Variants in CTNNA3 observed in about 807,000 individuals in gnomAD.
The protein encoded by CTNNA3 is catenin alpha 3.
Under a neutral mutation model 95.7 loss-of-function variants are expected in CTNNA3, and 76 were observed. That is an observed-to-expected ratio of 0.79 (90% CI 0.66 to 0.96). The LOEUF (loss-of-function observed/expected upper bound fraction) is 0.96. Ranked by LOEUF, CTNNA3 falls within the 40% of genes least tolerant of loss-of-function variation. CTNNA3 has a pLI of 0.00. For missense variants in CTNNA3, 1,191 were observed against 1,089.8 expected, an observed-to-expected ratio of 1.09 and a Z score of -1.31; for synonymous variants, 431 against 374.4, an observed-to-expected ratio of 1.15 and a Z score of -1.74.
chr10:67,315,138 T>C (rs1840987282), intron 5 of CTNNA3, among the ~76,000 whole-genome samples: 1 of 152,226 alleles, frequency 6.6e-6, no homozygotes, highest in African/African-American at 2.4e-5. Context: ...TCCAATTCCA[T>C]GTCATAATTG....
intron 7 of CTNNA3, among the ~76,000 whole-genome samples, chr10:66,788,538 G>C (rs1840839072): frequency 6.6e-6 from 1 of 152,180 alleles, no homozygotes; most frequent in Non-Finnish European, 1.5e-5. Flanking sequence ...ATTTCTTGCA[G>C]TGTGGCTCAG....
chr10:66,765,125 C>A (rs1839788943), intron 9 of CTNNA3, among the ~76,000 whole-genome samples: 2 of 152,144 alleles, frequency 1.3e-5, no homozygotes, highest in Admixed American at 1.3e-4. Flanking sequence ...TTCATCCACT[C>A]CTTTCATCTT....
intron 1 of CTNNA3, among the ~76,000 whole-genome samples, chr10:67,689,023 A>C (rs1384000562): frequency 6.6e-6 from 1 of 152,120 alleles, no homozygotes; most frequent in Non-Finnish European, 1.5e-5. Context: ...TAGACCACAA[A>C]GAGGACCAAG....
intron 7 of CTNNA3, among the ~76,000 whole-genome samples, chr10:66,954,711 C>T (rs1052222782): frequency 3.3e-5 from 5 of 152,150 alleles, no homozygotes; most frequent in Non-Finnish European, 5.9e-5. Flanking sequence ...TAAGTGATTT[C>T]CTGAGAAACT....
chr10:66,331,342 G>GCTTGC (rs201302254), intron 12 of CTNNA3, among the ~76,000 whole-genome samples: 1 of 80,346 alleles, frequency 1.2e-5, no homozygotes, highest in African/African-American at 4.7e-5. Flanking sequence ...CCCATTGTTT[G>GCTTGC]TTTTTTTTTT....
At chr10:66,914,351 C>T (rs1020972899) in intron 7 of CTNNA3, among the ~76,000 whole-genome samples, 19 of 152,004 alleles carry the variant, frequency 1.2e-4, no homozygotes, top group African/African-American at 2.7e-4. Flanking sequence ...AGGATGGTCT[C>T]GATCTCCTGA....
Position 67,564,707 on chromosome 10 carries a change from A to G in CTNNA3, c.293-25038T>C, listed in dbSNP as rs1487884178. On this transcript the variant is annotated intron_variant, in intron 3 of 17. Transcript: ENST00000433211. The stretch of plus-strand genomic sequence containing the variant: ...TATATATATATATATATATATATAT[A>G]TATATATATATCACTATGATCAGGT... Among the ~76,000 whole-genome samples, 27 of 111,758 alleles carry G rather than the reference A, an allele frequency of 2.4e-4. 1 individual carries two copies. Among genetic ancestry groups the G allele is most frequent in the Non-Finnish European group, 3.5e-4 (20 of 56,646 alleles). The allele number at this position is 111,758 out of a possible 152,430, so 73.3% of individuals were successfully genotyped here. A position where few individuals can be genotyped will look rare whatever the true frequency, so the allele number is the denominator to read the frequency against.
intron 14 of CTNNA3, among the ~76,000 whole-genome samples, chr10:66,094,619 T>C (rs1405672449): frequency 4.6e-5 from 7 of 152,140 alleles, no homozygotes; most frequent in Admixed American, 4.6e-4. Flanking sequence ...TCTCCTGTTA[T>C]AAAGAAAACA....
At chr10:66,283,547 A>G (rs1234933558) in intron 12 of CTNNA3, among the ~76,000 whole-genome samples, 1 of 151,880 alleles carries the variant, frequency 6.6e-6, no homozygotes, top group African/African-American at 2.4e-5. Context: ...AATACAACAC[A>G]GCCTTTTCAT....
chr10:66,379,854 A>G (rs1189751901), intron 11 of CTNNA3, among the ~76,000 whole-genome samples: 1 of 152,208 alleles, frequency 6.6e-6, no homozygotes, highest in African/African-American at 2.4e-5. Context: ...TTAGATGACT[A>G]GGCCATGAAG....
At chr10:66,083,003 G>T (rs2080822761) in intron 14 of CTNNA3, among the ~76,000 whole-genome samples, 1 of 150,538 alleles carries the variant, frequency 6.6e-6, no homozygotes, top group Non-Finnish European at 1.5e-5. Context: ...TGAAGAAAAA[G>T]AGTCCCTTCC....
intron 12 of CTNNA3, among the ~76,000 whole-genome samples, chr10:66,294,328 A>G (rs2091739920): frequency 6.6e-6 from 1 of 152,180 alleles, no homozygotes; most frequent in South Asian, 2.1e-4. Context: ...CACTGTGGGT[A>G]GAGAGAGAAG....
intron 9 of CTNNA3, among the ~76,000 whole-genome samples, chr10:66,722,531 T>C (rs1363705895): frequency 6.6e-6 from 1 of 151,918 alleles, no homozygotes; most frequent in African/African-American, 2.4e-5. Context: ...TCAGGCCAAA[T>C]GTGATTTCTT....
At chr10:66,672,079 C>A (rs1308209026) in intron 9 of CTNNA3, among the ~76,000 whole-genome samples, 1 of 152,088 alleles carries the variant, frequency 6.6e-6, no homozygotes, top group Non-Finnish European at 1.5e-5. Context: ...GACCTGTAGT[C>A]AAGTCAGCTG....
intron 11 of CTNNA3, among the ~76,000 whole-genome samples, chr10:66,514,061 G>T (rs1840755957): frequency 6.6e-6 from 1 of 152,168 alleles, no homozygotes; most frequent in South Asian, 2.1e-4. Flanking sequence ...TGATGGCATT[G>T]AAAGTTACCT....
intron 5 of CTNNA3, among the ~76,000 whole-genome samples, chr10:67,298,553 C>T (rs539031923): frequency 3.1e-4 from 47 of 152,256 alleles, no homozygotes; most frequent in African/African-American, 1.1e-3. Flanking sequence ...ATTAGCATAA[C>T]GCTAACAATT....
chr10:67,492,338 GTGTT>G (rs1838874026), intron 5 of CTNNA3, among the ~76,000 whole-genome samples: 1 of 101,212 alleles, frequency 9.9e-6, no homozygotes, highest in East Asian at 2.9e-4. Flanking sequence ...CATAATAACA[GTGTT>G]TGTGCAAGTG....
chr10:67,036,304 T>C (rs1214279070), intron 7 of CTNNA3, among the ~76,000 whole-genome samples: 1 of 151,598 alleles, frequency 6.6e-6, no homozygotes, highest in African/African-American at 2.4e-5. Context: ...AGTTTTGCTC[T>C]TGTTGCCCAG....
At chr10:67,450,188 A>G (rs933915220) in intron 5 of CTNNA3, among the ~76,000 whole-genome samples, 6 of 152,170 alleles carry the variant, frequency 3.9e-5, no homozygotes, top group Non-Finnish European at 8.8e-5. Context: ...ACACTTATAT[A>G]TTGTTGATGG....
Sources: gnomAD v4.1 joint callset for allele counts (sites outside exome capture counted in the v4.1 genomes callset) on GRCh38, gnomAD v4.1.1 for gene constraint, MANE v1.5 for transcripts, NCBI Gene and HGNC (gene_info 2026-07-23, HGNC 2026-07-21) for gene names.